The following PLD5 variants were observed in gnomAD, a reference collection of about 807,000 sequenced individuals.
PLD5 encodes phospholipase D family member 5.
In PLD5, 36 loss-of-function variants were observed where a neutral mutation model predicts 61.1. The observed-to-expected ratio is 0.59, with a 90% CI of 0.45 to 0.78. The LOEUF is 0.78. PLD5 is among the 30% of genes least tolerant of loss of function. The pLI is 0.00. For missense variants in PLD5, 515 were observed against 644.4 expected, an observed-to-expected ratio of 0.80 and a Z score of 2.17; for synonymous variants, 243 against 242.8, an observed-to-expected ratio of 1.00 and a Z score of -0.01.
chr1:242,381,914 A>G (rs1057226719), intron 1 of PLD5, among the ~76,000 whole-genome samples: 1 of 152,134 alleles, frequency 6.6e-6, no homozygotes, highest in African/African-American at 2.4e-5. Flanking sequence ...TAGAATCCAG[A>G]AGAACAGCTA....
intron 1 of PLD5, among the ~76,000 whole-genome samples, chr1:242,489,702 A>G (rs537189038): frequency 5.2e-4 from 79 of 152,354 alleles, no homozygotes; most frequent in African/African-American, 6.5e-4. Flanking sequence ...AGGGAGGGAC[A>G]TGGGTGAGGA....
At chr1:242,267,572 C>A (rs979071581) in intron 3 of PLD5, among the ~76,000 whole-genome samples, 2 of 152,142 alleles carry the variant, frequency 1.3e-5, no homozygotes, top group African/African-American at 4.8e-5. Flanking sequence ...GTGCATCAGA[C>A]AGTTATTAAC....
At chr1:242,306,895 A>G (rs1676398255) in intron 2 of PLD5, among the ~76,000 whole-genome samples, 3 of 152,274 alleles carry the variant, frequency 2.0e-5, no homozygotes, top group African/African-American at 7.2e-5. Context: ...TCACATATTT[A>G]TCATTAATTT....
At chr1:242,181,452 G>T (rs2148902080) in intron 5 of PLD5, among the ~76,000 whole-genome samples, 1 of 152,216 alleles carries the variant, frequency 6.6e-6, no homozygotes, top group South Asian at 2.1e-4. Flanking sequence ...GATGTGTTGG[G>T]TTAAATATTT....
intron 5 of PLD5, among the ~76,000 whole-genome samples, chr1:242,215,400 G>A (rs1228444236): frequency 9.9e-5 from 15 of 151,914 alleles, no homozygotes; most frequent in Non-Finnish European, 1.9e-4. Flanking sequence ...CAAAAAGGGG[G>A]GAATATGGGT....
chr1:242,408,892 C>G (rs1664388802), intron 1 of PLD5, among the ~76,000 whole-genome samples: 2 of 152,014 alleles, frequency 1.3e-5, no homozygotes, highest in African/African-American at 4.8e-5. Flanking sequence ...CATGGTGAAA[C>G]CCTGTCTCTA....
chr1:242,228,145 G>A (rs934797337), intron 4 of PLD5, among the ~76,000 whole-genome samples: 16 of 152,184 alleles, frequency 1.1e-4, no homozygotes, highest in African/African-American at 3.4e-4. Context: ...GGGAGGAAAT[G>A]AGCAACTTTA....
intron 5 of PLD5, among the ~76,000 whole-genome samples, chr1:242,135,891 G>A (rs1249819088): frequency 1.3e-5 from 2 of 152,190 alleles, no homozygotes; most frequent in East Asian, 1.9e-4. Context: ...ACTGACTTAC[G>A]CCTCCTGTGG....
intron 1 of PLD5, among the ~76,000 whole-genome samples, chr1:242,431,267 T>C (rs1665706129): frequency 6.6e-6 from 1 of 152,218 alleles, no homozygotes; most frequent in Non-Finnish European, 1.5e-5. Context: ...GTGTAAAAGT[T>C]GCTGCATAAA....
intron 5 of PLD5, among the ~76,000 whole-genome samples, chr1:242,125,951 T>G (rs1662752265): frequency 6.6e-6 from 1 of 152,162 alleles, no homozygotes; most frequent in African/African-American, 2.4e-5. Flanking sequence ...TCCTATACTT[T>G]CCCTAATGCA....
intron 5 of PLD5, among the ~76,000 whole-genome samples, chr1:242,217,347 GC>G (rs1470320904): frequency 6.6e-6 from 1 of 152,204 alleles, no homozygotes; most frequent in Non-Finnish European, 1.5e-5. Flanking sequence ...TGTTGGCCAG[GC>G]ACGGTGGCTC....
intron 2 of PLD5, among the ~76,000 whole-genome samples, chr1:242,332,751 T>C (rs1008680604): frequency 2.0e-5 from 3 of 152,242 alleles, no homozygotes; most frequent in Non-Finnish European, 4.4e-5. Context: ...CTGAAGTGTT[T>C]CTAGTCCACA....
At chr1:242,268,321 C>T (rs1238542289) in intron 3 of PLD5, among the ~76,000 whole-genome samples, 8 of 152,128 alleles carry the variant, frequency 5.3e-5, no homozygotes, top group African/African-American at 1.9e-4. Context: ...TCCGTAAGGC[C>T]CCATGGTCAG....
At chr1:242,112,319 G>GTA (rs1553301145) in intron 7 of PLD5, among the ~76,000 whole-genome samples, 1 of 94,516 alleles carries the variant, frequency 1.1e-5, no homozygotes, top group Non-Finnish European at 1.9e-5. Flanking sequence ...GTGTGTGTGT[G>GTA]TGTGTATGTA....
intron 2 of PLD5, among the ~76,000 whole-genome samples, chr1:242,340,755 G>A (rs1659783824): frequency 6.6e-6 from 1 of 152,108 alleles, no homozygotes; most frequent in Non-Finnish European, 1.5e-5. Flanking sequence ...CCTAAGTATA[G>A]CCAGATTCAA....
intron 9 of PLD5, among the ~76,000 whole-genome samples, chr1:242,097,207 C>T (rs1374195754): frequency 6.6e-6 from 1 of 152,170 alleles, no homozygotes; most frequent in East Asian, 1.9e-4. Flanking sequence ...CCACAATAAA[C>T]ATACGTGTGC....
intron 1 of PLD5, among the ~76,000 whole-genome samples, chr1:242,486,381 C>G (rs1376965255): frequency 2.0e-5 from 3 of 151,872 alleles, no homozygotes; most frequent in African/African-American, 7.3e-5. Flanking sequence ...AAAAACAACC[C>G]CATCAAAAAG....
At chr1:242,327,903 C>T (rs186004753) in intron 2 of PLD5, among the ~76,000 whole-genome samples, 8 of 151,810 alleles carry the variant, frequency 5.3e-5, no homozygotes, top group Admixed American at 2.0e-4. Flanking sequence ...CCAGCCTGGG[C>T]AACATAGCAA....
chr1:242,318,800 T>G (rs2149183697), intron 2 of PLD5, among the ~76,000 whole-genome samples: 1 of 152,210 alleles, frequency 6.6e-6, no homozygotes, highest in South Asian at 2.1e-4. Context: ...TATAACTTTT[T>G]TAAATTGTGG....
Sources: gnomAD v4.1 joint callset for allele counts (sites outside exome capture counted in the v4.1 genomes callset) on GRCh38, gnomAD v4.1.1 for gene constraint, MANE v1.5 for transcripts, NCBI Gene and HGNC (gene_info 2026-07-23, HGNC 2026-07-21) for gene names.